FOXP1: variants seen among roughly 807,000 people sequenced by gnomAD.
The protein encoded by FOXP1 is forkhead box P1, also known as forkhead box protein P1.
Under a neutral mutation model 98.2 loss-of-function variants are expected in FOXP1, and 15 were observed. The observed-to-expected ratio is 0.15, with a 90% confidence interval of 0.10 to 0.24. FOXP1 has a LOEUF of 0.24. Among genes scored for constraint, FOXP1 ranks in the 10% least tolerant of loss-of-function variants. The probability of loss-of-function intolerance (pLI) is 1.00; values close to 1 mark genes in which losing one functional copy is unlikely to be tolerated. For missense variants in FOXP1, 633 were observed against 848.5 expected (o/e 0.75, Z 3.15); for synonymous variants, 371 against 314.5 (o/e 1.18, Z -1.90).
chr3:70,990,495 T>A (rs923637637), intron 13 of FOXP1, among the ~76,000 whole-genome samples: 1 of 152,214 alleles, frequency 6.6e-6, no homozygotes, highest in African/African-American at 2.4e-5. Context: ...CATCCTTTCA[T>A]TATTAAAATA....
chr3:70,967,700 G>GTTTTTGTTTTTTTTTTTTTT (rs2035203703), intron 19 of FOXP1, among the ~76,000 whole-genome samples: 8 of 63,626 alleles, frequency 1.3e-4, no homozygotes, highest in African/African-American at 4.3e-4. Context: ...TTTTTTTTTT[G>GTTTTTGTTTTTTTTTTTTTT]TTTTTTTTTG....
chr3:71,338,772 T>A (rs2076837969), intron 4 of FOXP1, among the ~76,000 whole-genome samples: 2 of 151,916 alleles, frequency 1.3e-5, no homozygotes, highest in South Asian at 4.2e-4. Flanking sequence ...AGAAAAAAAA[T>A]AGGACTACAG....
intron 16 of FOXP1, among the ~76,000 whole-genome samples, chr3:70,977,390 TTG>T (rs1347868883): frequency 6.6e-6 from 1 of 152,214 alleles, no homozygotes; most frequent in African/African-American, 2.4e-5. Context: ...TTACTGTAGC[TTG>T]TGATAATTGA....
In FOXP1 at chr3:71,133,089, A is replaced by C. The variant is rs372472246; in HGVS notation, c.181-20452T>G. On this transcript the variant is annotated intron_variant, in intron 6 of 20. Coordinates refer to ENST00000649528, the MANE Select transcript of FOXP1 (RefSeq NM_001349338.3). ...TTGTTAGATTTACAAAAAACACAGA[A>C]AGGTTTGCCGTGAAAAGCGAAATGC... 2.0e-4 allele frequency among the ~76,000 whole-genome samples: 31 copies of C among 152,310 alleles called. No homozygotes were observed. In the East Asian group the frequency reaches 5.2e-3, roughly 26 times the overall value.
At chr3:71,153,857 T>A (rs2060692963) in intron 6 of FOXP1, among the ~76,000 whole-genome samples, 1 of 152,232 alleles carries the variant, frequency 6.6e-6, no homozygotes, top group Admixed American at 6.5e-5. Flanking sequence ...CTTTCCTTTC[T>A]AAAGGTGTGT....
intron 3 of FOXP1, among the ~76,000 whole-genome samples, chr3:71,399,125 T>C (rs1383478446): frequency 6.6e-6 from 1 of 152,262 alleles, no homozygotes; most frequent in East Asian, 1.9e-4. Context: ...GGAAAGAAAC[T>C]TGAATTATTT....
At chr3:71,121,387 G>GA (rs1210427199) in intron 6 of FOXP1, among the ~76,000 whole-genome samples, 2 of 151,422 alleles carry the variant, frequency 1.3e-5, no homozygotes, top group African/African-American at 4.9e-5. Flanking sequence ...AAAGGGGGGG[G>GA]GGATATCTAT....
In FOXP1 at chr3:70,958,303, T is replaced by TTGTC. The variant is rs768176286; in HGVS notation, c.*940_*943dup. On this transcript the variant is annotated 3_prime_UTR_variant, in exon 21 of 21. Coordinates refer to ENST00000649528, the MANE Select transcript of FOXP1 (RefSeq NM_001349338.3). ...AATGAATCGGCATTGTTCCTAGAGTTTGTCTCTCTTTTTTTTTTCTGTCAT... is the reference window on the plus strand; with the variant it reads ...AATGAATCGGCATTGTTCCTAGAGTTTGTCTGTCTCTCTTTTTTTTTTCTGTCAT... The TTGTC allele has an allele frequency of 2.2e-5, 12 of 535,568 alleles. 2 individuals carry two copies. The highest frequency in any genetic ancestry group is 1.8e-4 in the South Asian group (12 of 65,234). 33.2% of individuals were successfully genotyped at this position (535,568 alleles called of 1,614,324 possible).
chr3:71,164,226 G>T (rs1032863114), intron 6 of FOXP1, among the ~76,000 whole-genome samples: 1 of 151,954 alleles, frequency 6.6e-6, no homozygotes, highest in Admixed American at 6.6e-5. Flanking sequence ...TTGAAACAGA[G>T]TCTTGCTCAG....
At chr3:71,448,350 G>T (rs1191578766) in intron 3 of FOXP1, among the ~76,000 whole-genome samples, 2 of 152,158 alleles carry the variant, frequency 1.3e-5, no homozygotes, top group African/African-American at 2.4e-5. Flanking sequence ...ATTCTGCAAA[G>T]AAAGGCTGTT....
chr3:71,220,810 A>C lies in FOXP1; in HGVS notation c.-11-22418T>G, dbSNP rs567478588. On this transcript the variant is annotated intron_variant, in intron 5 of 20. Transcript: ENST00000649528. ...AATAAAAGATTATGAGGAGAAAAGA[A>C]GGGTCCTCAGAACAAACCATAGGTA... is the stretch of plus-strand genomic sequence containing the variant. Among the ~76,000 whole-genome samples the C allele has an allele frequency of 1.4e-3, 212 of 149,998 alleles. 4 individuals are homozygous for C. The South Asian group carries it at 0.044, about 31-fold the overall frequency.
At chr3:71,581,393 AC>A in intron 2 of FOXP1, 155 bp downstream of exon 2, 1 of 985,318 alleles carries the variant, frequency 1.0e-6, no homozygotes, top group Non-Finnish European at 1.2e-6. Flanking sequence ...ATTTCGAAGC[AC>A]CTACCGGCCT....
intron 4 of FOXP1, among the ~76,000 whole-genome samples, chr3:71,318,019 C>G (rs767101184): frequency 5.9e-5 from 9 of 151,712 alleles, no homozygotes; most frequent in Non-Finnish European, 1.2e-4. Context: ...GTAGCTAACA[C>G]TGAATTAAAG....
intron 5 of FOXP1, among the ~76,000 whole-genome samples, chr3:71,204,164 CATT>C (rs1440915937): frequency 6.6e-6 from 1 of 152,178 alleles, no homozygotes; most frequent in Non-Finnish European, 1.5e-5. Context: ...CATGTTGCAT[CATT>C]AAGATTTAAA....
chr3:70,997,109 T>A (rs1478729348), intron 13 of FOXP1, among the ~76,000 whole-genome samples: 2 of 152,194 alleles, frequency 1.3e-5, no homozygotes, highest in Non-Finnish European at 2.9e-5. Flanking sequence ...GTCAGTAATG[T>A]GCAGGTAATC....
chr3:71,326,378 A>G (rs770105699), intron 4 of FOXP1, among the ~76,000 whole-genome samples: 8 of 152,224 alleles, frequency 5.3e-5, no homozygotes, highest in Non-Finnish European at 8.8e-5. Context: ...CGGATGAAAA[A>G]TAACAGTCCA....
At chr3:71,478,388 A>G (rs2090017257) in intron 3 of FOXP1, among the ~76,000 whole-genome samples, 3 of 152,232 alleles carry the variant, frequency 2.0e-5, no homozygotes, top group African/African-American at 7.2e-5. Context: ...AATACTAAAA[A>G]GGGGCCACCA....
intron 3 of FOXP1, among the ~76,000 whole-genome samples, chr3:71,455,714 G>A (rs937544367): frequency 1.3e-5 from 2 of 152,094 alleles, no homozygotes. Flanking sequence ...AATACGAAGA[G>A]TCAAAATATT....
At chr3:71,072,915 G>A (rs1329716464) in intron 7 of FOXP1, among the ~76,000 whole-genome samples, 4 of 152,204 alleles carry the variant, frequency 2.6e-5, no homozygotes, top group Non-Finnish European at 5.9e-5. Flanking sequence ...TAATCTCACA[G>A]AGACATCAGA....
Sources: allele counts gnomAD v4.1 joint callset (sites outside exome capture counted in the v4.1 genomes callset), GRCh38; gene constraint gnomAD v4.1.1; transcripts MANE v1.5; gene names NCBI Gene and HGNC (gene_info 2026-07-23, HGNC 2026-07-21).